The following RUNDC3B variants were observed in gnomAD, a reference collection of about 807,000 sequenced individuals.
RUNDC3B encodes RUN domain containing 3B, also known as RUN domain-containing protein 3B.
A neutral mutation model predicts 58.4 loss-of-function variants in RUNDC3B; 33 were observed. The ratio of observed to expected loss-of-function variants is 0.56; its 90% CI spans 0.43 to 0.75. The LOEUF is 0.75. Ranked by LOEUF, RUNDC3B falls within the 30% of genes least tolerant of loss-of-function variation. The pLI, the probability that RUNDC3B is intolerant of heterozygous loss-of-function variation, is 0.00. For synonymous variants in RUNDC3B, 193 were observed against 195.2 expected (o/e 0.99, Z 0.10); for missense variants, 501 against 535.7 (o/e 0.94, Z 0.64).
At chr7:87,806,374 A>T (rs1161211469) in intron 8 of RUNDC3B, among the ~76,000 whole-genome samples, 2 of 152,122 alleles carry the variant, frequency 1.3e-5, no homozygotes, top group Admixed American at 6.6e-5. Context: ...TCTGTTACCC[A>T]CAACAGGACT....
chr7:87,776,707 ATTAACT>A (rs1212146450), intron 7 of RUNDC3B, among the ~76,000 whole-genome samples: 3 of 152,038 alleles, frequency 2.0e-5, no homozygotes, highest in African/African-American at 4.8e-5. Flanking sequence ...ATTTATAAAA[ATTAACT>A]TTAACTTCTG....
intron 8 of RUNDC3B, among the ~76,000 whole-genome samples, chr7:87,791,226 T>C (rs1835505399): frequency 6.6e-6 from 1 of 152,088 alleles, no homozygotes; most frequent in South Asian, 2.1e-4. Flanking sequence ...TTAAATAGTA[T>C]ATCCAATGAA....
At chr7:87,660,222 TG>T (rs1457491853) in intron 2 of RUNDC3B, among the ~76,000 whole-genome samples, 1 of 152,088 alleles carries the variant, frequency 6.6e-6, no homozygotes, top group Non-Finnish European at 1.5e-5. Context: ...CTGGGTCAAA[TG>T]GTGAGTGTGA....
At chr7:87,747,802 CA>C in intron 6 of RUNDC3B, among the ~76,000 whole-genome samples, 1 of 152,052 alleles carries the variant, frequency 6.6e-6, no homozygotes, top group East Asian at 1.9e-4. Context: ...AGCTCACATG[CA>C]AACCAAAAGG....
chr7:87,684,237 C>T (rs774678360), intron 2 of RUNDC3B, among the ~76,000 whole-genome samples: 1 of 152,062 alleles, frequency 6.6e-6, no homozygotes, highest in Admixed American at 6.5e-5. Context: ...TTGGAAAACT[C>T]GTTGTTAAGA....
intron 2 of RUNDC3B, among the ~76,000 whole-genome samples, chr7:87,688,596 C>T (rs115673637): frequency 8.5e-4 from 129 of 151,372 alleles, no homozygotes; most frequent in African/African-American, 3.0e-3. Context: ...CTTTTTTCTC[C>T]GTTGATTAGT....
chr7:87,690,334 ATTTTC>A (rs1827894655), intron 2 of RUNDC3B, among the ~76,000 whole-genome samples: 1 of 151,968 alleles, frequency 6.6e-6, no homozygotes, highest in South Asian at 2.1e-4. Context: ...CTGTTTTTAC[ATTTTC>A]TTTTCTTTAA....
chr7:87,742,224 A>T (rs1420153018), intron 6 of RUNDC3B, among the ~76,000 whole-genome samples: 1 of 152,060 alleles, frequency 6.6e-6, no homozygotes, highest in Non-Finnish European at 1.5e-5. Flanking sequence ...TTATTTTTCC[A>T]TAAATTATTG....
intron 6 of RUNDC3B, among the ~76,000 whole-genome samples, chr7:87,749,403 C>A (rs1832833073): frequency 6.6e-6 from 1 of 152,010 alleles, no homozygotes; most frequent in Non-Finnish European, 1.5e-5. Flanking sequence ...TGTATATATA[C>A]CTTCTTTATA....
intron 3 of RUNDC3B, among the ~76,000 whole-genome samples, chr7:87,707,730 A>C (rs1829735750): frequency 6.6e-6 from 1 of 152,046 alleles, no homozygotes; most frequent in Non-Finnish European, 1.5e-5. Flanking sequence ...CAAAATATAC[A>C]TTCTTATCAT....
intron 6 of RUNDC3B, among the ~76,000 whole-genome samples, chr7:87,744,606 T>G (rs973253929): frequency 1.3e-5 from 2 of 152,234 alleles, no homozygotes; most frequent in Non-Finnish European, 2.9e-5. Flanking sequence ...AGTTCTTGAT[T>G]TGATTCTCCA....
At chr7:87,797,678 G>A (rs1343641528) in intron 8 of RUNDC3B, among the ~76,000 whole-genome samples, 1 of 152,130 alleles carries the variant, frequency 6.6e-6, no homozygotes, top group Admixed American at 6.5e-5. Flanking sequence ...GTCAGTTAGG[G>A]TTTTTTGGTG....
At chr7:87,806,269 A>G (rs1053730052) in intron 8 of RUNDC3B, among the ~76,000 whole-genome samples, 7 of 152,138 alleles carry the variant, frequency 4.6e-5, no homozygotes, top group African/African-American at 1.7e-4. Context: ...AAATATAGTT[A>G]CTCCATTAGT....
At chr7:87,820,426 C>T (rs1421605063) in intron 10 of RUNDC3B, among the ~76,000 whole-genome samples, 1 of 152,116 alleles carries the variant, frequency 6.6e-6, no homozygotes, top group East Asian at 1.9e-4. Context: ...AGTCCAGGAC[C>T]AGATGGATTC....
intron 10 of RUNDC3B, among the ~76,000 whole-genome samples, chr7:87,823,228 A>G (rs1017014872): frequency 2.6e-5 from 4 of 152,006 alleles, no homozygotes; most frequent in Admixed American, 6.6e-5. Flanking sequence ...GTCCATTTCT[A>G]TAACTATCTG....
chr7:87,706,585 G>T (rs867124313), intron 3 of RUNDC3B, among the ~76,000 whole-genome samples: 10 of 152,308 alleles, frequency 6.6e-5, no homozygotes, highest in Middle Eastern at 3.4e-3. Flanking sequence ...AACTTGAGTG[G>T]CCACAGTCCT....
At chr7:87,672,666 A>T (rs1825944967) in intron 2 of RUNDC3B, among the ~76,000 whole-genome samples, 1 of 152,180 alleles carries the variant, frequency 6.6e-6, no homozygotes, top group Admixed American at 6.5e-5. Context: ...GACTCCATGT[A>T]GCTCTGTCTG....
At chr7:87,761,623 G>A (rs975654373) in intron 6 of RUNDC3B, among the ~76,000 whole-genome samples, 1 of 151,918 alleles carries the variant, frequency 6.6e-6, no homozygotes, top group Non-Finnish European at 1.5e-5. Context: ...ATACAATGGA[G>A]TATTACTCAG....
intron 6 of RUNDC3B, among the ~76,000 whole-genome samples, chr7:87,759,134 A>G (rs1833539293): frequency 1.3e-5 from 2 of 152,188 alleles, no homozygotes; most frequent in South Asian, 2.1e-4. Flanking sequence ...TATATACACA[A>G]TGGAATATTA....
Sources: allele counts gnomAD v4.1 joint callset (sites outside exome capture counted in the v4.1 genomes callset), GRCh38; gene constraint gnomAD v4.1.1; transcripts MANE v1.5; gene names NCBI Gene and HGNC (gene_info 2026-07-23, HGNC 2026-07-21).